The following BMPR1B variants were observed in gnomAD, a reference collection of about 807,000 sequenced individuals.
BMPR1B encodes the protein bone morphogenetic protein receptor type 1B.
Under a neutral mutation model 59.1 loss-of-function variants are expected in BMPR1B, and 12 were observed. The ratio of observed to expected loss-of-function variants is 0.20; its 90% confidence interval spans 0.13 to 0.33. The LOEUF (loss-of-function observed/expected upper bound fraction) is 0.33, where lower values mean the gene tolerates loss of function less well. Among genes scored for constraint, BMPR1B ranks in the 10% least tolerant of loss-of-function variants. The pLI, the probability that BMPR1B is intolerant of heterozygous loss-of-function variation, is 1.00. For missense variants in BMPR1B, 550 were observed against 610.9 expected (o/e 0.90, Z 1.05); for synonymous variants, 237 against 207.3 (o/e 1.14, Z -1.23).
intron 1 of BMPR1B, among the ~76,000 whole-genome samples, chr4:94,775,197 C>T (rs1355618471): frequency 6.6e-6 from 1 of 152,120 alleles, no homozygotes; most frequent in Non-Finnish European, 1.5e-5. Context: ...ATACCTGGCA[C>T]ATAATAGTTG....
chr4:95,051,480 C>A (rs756589985), intron 3 of BMPR1B, among the ~76,000 whole-genome samples: 1 of 152,044 alleles, frequency 6.6e-6, no homozygotes, highest in Admixed American at 6.6e-5. Context: ...GGGTCCTCAC[C>A]GCCCTTTGTT....
chr4:95,001,592 A>G (rs1722454495), intron 3 of BMPR1B, among the ~76,000 whole-genome samples: 1 of 152,230 alleles, frequency 6.6e-6, no homozygotes, highest in Admixed American at 6.5e-5. Context: ...TAAGATTAGA[A>G]TATAGAATAT....
chr4:94,878,171 T>C (rs574170549), intron 2 of BMPR1B, among the ~76,000 whole-genome samples: 101 of 152,344 alleles, frequency 6.6e-4, no homozygotes, highest in African/African-American at 2.3e-3. Context: ...GCAAAATTGC[T>C]TTCAGGAATG....
chr4:94,944,191 T>C (rs536180195), intron 2 of BMPR1B, among the ~76,000 whole-genome samples: 2 of 152,196 alleles, frequency 1.3e-5, no homozygotes, highest in South Asian at 2.1e-4. Flanking sequence ...ATCCAAAAAA[T>C]TCCAAAACCT....
intron 1 of BMPR1B, among the ~76,000 whole-genome samples, chr4:94,820,064 CT>C (rs1190585315): frequency 6.6e-6 from 1 of 152,086 alleles, no homozygotes; most frequent in African/African-American, 2.4e-5. Flanking sequence ...TATTATCAGT[CT>C]CAACTACAAA....
At chr4:94,832,784 A>T in intron 1 of BMPR1B, among the ~76,000 whole-genome samples, 1 of 151,976 alleles carries the variant, frequency 6.6e-6, no homozygotes, top group Non-Finnish European at 1.5e-5. Context: ...CTCCGTCTCA[A>T]AAAAAATAAA....
intron 3 of BMPR1B, among the ~76,000 whole-genome samples, chr4:95,074,480 G>A (rs1196132631): frequency 1.3e-5 from 2 of 151,938 alleles, no homozygotes; most frequent in African/African-American, 2.4e-5. Context: ...AATAGTTAAC[G>A]AATCCTCACT....
intron 3 of BMPR1B, among the ~76,000 whole-genome samples, chr4:95,076,573 T>A (rs1728728920): frequency 6.6e-6 from 1 of 152,064 alleles, no homozygotes; most frequent in South Asian, 2.1e-4. Flanking sequence ...TATTATCATC[T>A]TCATTTTACA....
At chr4:94,945,004 A>G (rs553595801) in intron 2 of BMPR1B, among the ~76,000 whole-genome samples, 1 of 152,204 alleles carries the variant, frequency 6.6e-6, no homozygotes, top group Non-Finnish European at 1.5e-5. Context: ...GATTCTTAAC[A>G]AATGAAGCCA....
intron 3 of BMPR1B, among the ~76,000 whole-genome samples, chr4:95,072,515 G>A (rs1215144566): frequency 6.6e-6 from 1 of 152,114 alleles, no homozygotes; most frequent in Non-Finnish European, 1.5e-5. Context: ...CAAGTGTCAG[G>A]TAACACTTAA....
chr4:94,830,829 G>C (rs959036141), intron 1 of BMPR1B, among the ~76,000 whole-genome samples: 6 of 152,114 alleles, frequency 3.9e-5, no homozygotes, highest in African/African-American at 1.4e-4. Context: ...TTACTCACCT[G>C]TTCATGGTGA....
chr4:94,824,514 A>G (rs1332907457), intron 1 of BMPR1B, among the ~76,000 whole-genome samples: 1 of 152,212 alleles, frequency 6.6e-6, no homozygotes, highest in Non-Finnish European at 1.5e-5. Flanking sequence ...TCCTTATGCT[A>G]TTTGAACTGA....
chr4:94,944,861 C>T (rs1336539365), intron 2 of BMPR1B, among the ~76,000 whole-genome samples: 1 of 152,110 alleles, frequency 6.6e-6, no homozygotes, highest in African/African-American at 2.4e-5. Flanking sequence ...ATAATAGATT[C>T]CAGCTTTTTT....
intron 2 of BMPR1B, among the ~76,000 whole-genome samples, chr4:94,933,256 C>T (rs534659756): frequency 6.6e-6 from 1 of 152,150 alleles, no homozygotes; most frequent in East Asian, 1.9e-4. Flanking sequence ...GAAAACATGG[C>T]ACTTAACGAC....
At chr4:95,014,643 TTTATCA>T (rs1413859883) in intron 3 of BMPR1B, among the ~76,000 whole-genome samples, 1 of 152,228 alleles carries the variant, frequency 6.6e-6, no homozygotes, top group Non-Finnish European at 1.5e-5. Context: ...TTTATCTGAC[TTTATCA>T]TTATAATATC....
intron 10 of BMPR1B, among the ~76,000 whole-genome samples, chr4:95,145,508 T>G (rs940951910): frequency 6.6e-6 from 1 of 152,224 alleles, no homozygotes; most frequent in African/African-American, 2.4e-5. Flanking sequence ...ACCATCTGAC[T>G]CTACTTCCAT....
Position 95,156,283 on chromosome 4 carries a change from G to T in BMPR1B, c.*1610G>T, listed in dbSNP as rs1735414818. ...TTGCTTCTTAGAAATTCTGTTAGTG[G>T]TTAGTAAAGAATTTGAAAGTACTTT... On this transcript the variant is annotated 3_prime_UTR_variant, in exon 13 of 13. Transcript: ENST00000515059. 6.7e-6 allele frequency: 1 copy of T among 149,360 alleles called. No individual in the cohort carries two copies. Among genetic ancestry groups the T allele is most frequent in the South Asian group, 2.1e-4 (1 of 4,738 alleles). The allele number at this position is 149,360 out of a possible 1,614,324, so 9.3% of individuals were successfully genotyped here.
intron 1 of BMPR1B, among the ~76,000 whole-genome samples, chr4:94,791,962 C>T (rs556282332): frequency 3.3e-5 from 5 of 151,960 alleles, no homozygotes; most frequent in Non-Finnish European, 7.4e-5. Context: ...TGATCAGTGG[C>T]CTAAGTTTTT....
chr4:94,960,720 T>A (rs1281026070), intron 2 of BMPR1B, among the ~76,000 whole-genome samples: 29 of 32,718 alleles, frequency 8.9e-4, no homozygotes, highest in East Asian at 2.2e-3. Context: ...GTATGAAAAA[T>A]ATATATATAT....
Sources: allele counts gnomAD v4.1 joint callset (sites outside exome capture counted in the v4.1 genomes callset), GRCh38; gene constraint gnomAD v4.1.1; transcripts MANE v1.5; gene names NCBI Gene and HGNC (gene_info 2026-07-23, HGNC 2026-07-21).